Variants in PCDHA4 observed in about 807,000 individuals in gnomAD.
The protein encoded by PCDHA4 is protocadherin alpha 4.
Under a neutral mutation model 61.4 loss-of-function variants are expected in PCDHA4, and 49 were observed. The ratio of observed to expected loss-of-function variants is 0.80; its 90% CI spans 0.63 to 1.01. PCDHA4 has a LOEUF of 1.01. Ranked by LOEUF, PCDHA4 falls within the 50% of genes least tolerant of loss-of-function variation. The pLI is 0.00. For synonymous variants in PCDHA4, 590 were observed against 550.3 expected (o/e 1.07, Z -1.01); for missense variants, 1,254 against 1,235.8 (o/e 1.01, Z -0.22).
intron 1 of PCDHA4, chr5:140,927,041 T>C: frequency 6.2e-7 from 1 of 1,612,456 alleles, no homozygotes; most frequent in South Asian, 1.1e-5. Flanking sequence ...GCGGCCGCTA[T>C]GTCCTCGCGG....
chr5:140,895,257 T>A (rs1180344268), intron 1 of PCDHA4, among the ~76,000 whole-genome samples: 8 of 152,212 alleles, frequency 5.3e-5, no homozygotes, highest in Non-Finnish European at 8.8e-5. Context: ...AGCTTTCTTT[T>A]TTTTCTTACT....
In PCDHA4 at chr5:140,830,153, G is replaced by A. The variant is rs2150182058; in HGVS notation, c.2385+20581G>A. On this transcript the variant is annotated intron_variant, in intron 1 of 3. Coordinates refer to ENST00000530339, the MANE Select transcript of PCDHA4 (RefSeq NM_018907.4). ...ATCACGGGCGTCGGTGGGCGCCGCG[G>A]GCCCAGAGGCGGCGCTGGTGGATGT... 6 of 1,613,358 alleles carry A rather than the reference G, an allele frequency of 3.7e-6. No individual in the cohort carries two copies. In the East Asian group the frequency reaches 8.9e-5, roughly 24 times the overall value.
At chr5:140,884,320 A>T in intron 1 of PCDHA4, 1 of 1,613,806 alleles carries the variant, frequency 6.2e-7, no homozygotes, top group Non-Finnish European at 8.5e-7. Context: ...GGGCGTCGGC[A>T]GGCGCTGTGG....
In PCDHA4 at chr5:140,835,884, G is replaced by A. The variant is rs2150247452; in HGVS notation, c.2385+26312G>A. 3.7e-6 allele frequency: 6 copies of A among 1,611,966 alleles called. 1 individual carries two copies. The highest frequency in any genetic ancestry group is 2.2e-5 in the East Asian group (1 of 44,824). ...CTCGCTGGTGGAGCTGCGGGTGGGCGAGCGCGCGCTGTCGAGCTACGTGTC... is the reference window on the plus strand; with the variant it reads ...CTCGCTGGTGGAGCTGCGGGTGGGCAAGCGCGCGCTGTCGAGCTACGTGTC... On this transcript the variant is annotated intron_variant, in intron 1 of 3. Coordinates refer to ENST00000530339, the MANE Select transcript of PCDHA4 (RefSeq NM_018907.4).
intron 1 of PCDHA4, among the ~76,000 whole-genome samples, chr5:140,818,185 G>C (rs1766299277): frequency 1.3e-5 from 2 of 152,054 alleles, no homozygotes; most frequent in Non-Finnish European, 2.9e-5. Context: ...ATTCTTCTGT[G>C]ACTATAAGTA....
chr5:140,890,879 A>C (rs1448155644), intron 1 of PCDHA4, among the ~76,000 whole-genome samples: 2 of 152,112 alleles, frequency 1.3e-5, no homozygotes, highest in Non-Finnish European at 2.9e-5. Flanking sequence ...CTGACCTTTC[A>C]TCAGGGATTA....
At chr5:140,962,455 A>G (rs571453201) in intron 1 of PCDHA4, among the ~76,000 whole-genome samples, 4 of 152,246 alleles carry the variant, frequency 2.6e-5, no homozygotes, top group Non-Finnish European at 4.4e-5. Flanking sequence ...TGAATCTCTT[A>G]TGGCTTGAAT....
chr5:140,869,227 G>A, intron 1 of PCDHA4: 2 of 1,613,788 alleles, frequency 1.2e-6, no homozygotes, highest in African/African-American at 1.3e-5. Context: ...GGCCAAACAC[G>A]GCACCTTCGT....
chr5:140,848,458 G>A lies in PCDHA4; in HGVS notation c.2385+38886G>A, dbSNP rs2150410846. 52 of 1,529,436 alleles carry A rather than the reference G, an allele frequency of 3.4e-5. 3 individuals are homozygous for A. The South Asian group carries it at 5.9e-4, about 17-fold the overall frequency. The allele number at this position is 1,529,436 out of a possible 1,614,324, so 94.7% of individuals were successfully genotyped here. ...TCAGATGATTTCTTCTAATTTGGAG[G>A]CAATTTTCACTAATTAGAAGAAGAC... On this transcript the variant is annotated intron_variant, in intron 1 of 3. Transcript: ENST00000530339.
chr5:140,846,760 A>G (rs2150394532), intron 1 of PCDHA4, among the ~76,000 whole-genome samples: 3 of 149,554 alleles, frequency 2.0e-5, no homozygotes, highest in South Asian at 4.2e-4. Flanking sequence ...CTCTAACAGC[A>G]TATCATCATG....
In PCDHA4 at chr5:140,815,695, T is replaced by A. The variant is rs1365697676; in HGVS notation, c.2385+6123T>A. 3 of 152,310 alleles carry A rather than the reference T, an allele frequency of 2.0e-5. No homozygotes were observed. In the East Asian group the frequency reaches 5.8e-4, roughly 29 times the overall value. 9.4% of individuals were successfully genotyped at this position (152,310 alleles called of 1,614,324 possible). On this transcript the variant is annotated intron_variant, in intron 1 of 3. Coordinates refer to ENST00000530339, the MANE Select transcript of PCDHA4 (RefSeq NM_018907.4). The stretch of plus-strand genomic sequence containing the variant: ...GAGCTTTATACTTTAATAAAATACC[T>A]ATGTATTTCTGTTTAGCATCCCCTA...
In PCDHA4 at chr5:140,843,826, A is replaced by G. The variant is rs2150366949; in HGVS notation, c.2385+34254A>G. ...CGTATTTTATAGTGAAAATTTAAAC[A>G]TTGTTTAGTTTTTAGAAACCTTTTA... On this transcript the variant is annotated intron_variant, in intron 1 of 3. Coordinates refer to ENST00000530339, the MANE Select transcript of PCDHA4 (RefSeq NM_018907.4). 117 of 1,185,698 alleles carry G rather than the reference A, an allele frequency of 9.9e-5. 4 individuals carry two copies. The African/African-American group carries it at 1.7e-3, about 17-fold the overall frequency. 73.4% of individuals were successfully genotyped at this position (1,185,698 alleles called of 1,614,324 possible). A position where few individuals can be genotyped will look rare whatever the true frequency, so the allele number is the denominator to read the frequency against.
chr5:141,003,654 A>G (rs1451170896), intron 3 of PCDHA4, among the ~76,000 whole-genome samples: 1 of 152,212 alleles, frequency 6.6e-6, no homozygotes, highest in Non-Finnish European at 1.5e-5. Flanking sequence ...ATCTGTATGC[A>G]TTTATTAAAA....
At chr5:140,942,757 T>C (rs2093364947) in intron 1 of PCDHA4, among the ~76,000 whole-genome samples, 1 of 152,174 alleles carries the variant, frequency 6.6e-6, no homozygotes, top group South Asian at 2.1e-4. Context: ...ATAAATGAGA[T>C]GGCATAATGT....
At chr5:140,963,068 G>C (rs1472395054) in intron 1 of PCDHA4, among the ~76,000 whole-genome samples, 3 of 152,064 alleles carry the variant, frequency 2.0e-5, no homozygotes, top group African/African-American at 7.2e-5. Context: ...CATTGTGAAG[G>C]AGACAGAAAT....
intron 1 of PCDHA4, chr5:140,884,122 G>C: frequency 1.2e-6 from 2 of 1,613,306 alleles, no homozygotes. Flanking sequence ...CGGTCGGCGC[G>C]CGCATCCCGT....
intron 1 of PCDHA4, among the ~76,000 whole-genome samples, chr5:140,879,219 A>G (rs2057906971): frequency 6.6e-6 from 1 of 152,252 alleles, no homozygotes; most frequent in South Asian, 2.1e-4. Context: ...AATGAATTGA[A>G]AAAGACATAT....
intron 1 of PCDHA4, chr5:140,927,454 G>A: frequency 6.2e-7 from 1 of 1,614,182 alleles, no homozygotes; most frequent in Non-Finnish European, 8.5e-7. Flanking sequence ...GTTGGTGTTG[G>A]AGAAAGCACT....
intron 3 of PCDHA4, among the ~76,000 whole-genome samples, chr5:140,985,205 G>C (rs1554246849): frequency 6.6e-6 from 1 of 152,092 alleles, no homozygotes; most frequent in African/African-American, 2.4e-5. Flanking sequence ...CCAAAGTGTT[G>C]GGATTACAGG....
Sources: allele counts gnomAD v4.1 joint callset (sites outside exome capture counted in the v4.1 genomes callset), GRCh38; gene constraint gnomAD v4.1.1; transcripts MANE v1.5; gene names NCBI Gene and HGNC (gene_info 2026-07-23, HGNC 2026-07-21).